CTNND2: variants seen among roughly 807,000 people sequenced by gnomAD.
CTNND2 encodes the protein catenin delta-2.
CTNND2 carries 22 observed loss-of-function variants against 144.4 expected under a neutral mutation model. The observed-to-expected ratio is 0.15, with a 90% CI of 0.11 to 0.22. The LOEUF (loss-of-function observed/expected upper bound fraction) is 0.22. CTNND2 is among the 10% of genes least tolerant of loss of function. The probability of loss-of-function intolerance (pLI) is 1.00; values close to 1 mark genes in which losing one functional copy is unlikely to be tolerated. For missense variants in CTNND2, 1,353 were observed against 1,618.8 expected (o/e 0.84, Z 2.82); for synonymous variants, 751 against 695.6 (o/e 1.08, Z -1.25).
At chr5:11,445,524 G>A (rs1010709781) in intron 3 of CTNND2, among the ~76,000 whole-genome samples, 1 of 152,178 alleles carries the variant, frequency 6.6e-6, no homozygotes, top group Non-Finnish European at 1.5e-5. Flanking sequence ...GCTCATGCCA[G>A]GTGCCTCCAG....
At chr5:11,499,809 C>A (rs1770364222) in intron 3 of CTNND2, among the ~76,000 whole-genome samples, 1 of 152,026 alleles carries the variant, frequency 6.6e-6, no homozygotes, top group Admixed American at 6.6e-5. Context: ...GGCTCTTTTA[C>A]TTAATAGTAC....
intron 21 of CTNND2, among the ~76,000 whole-genome samples, chr5:10,979,602 A>G (rs955809125): frequency 1.3e-5 from 2 of 152,260 alleles, no homozygotes; most frequent in Non-Finnish European, 2.9e-5. Flanking sequence ...TAGTTCCTGC[A>G]GAGCCAGAGA....
At chr5:11,575,783 C>T (rs1777930255) in intron 2 of CTNND2, among the ~76,000 whole-genome samples, 1 of 152,150 alleles carries the variant, frequency 6.6e-6, no homozygotes, top group Non-Finnish European at 1.5e-5. Context: ...TTCTTTCCCA[C>T]CTCTTTTGCT....
At chr5:11,870,686 T>C (rs1053648770) in intron 1 of CTNND2, among the ~76,000 whole-genome samples, 4 of 152,206 alleles carry the variant, frequency 2.6e-5, no homozygotes, top group African/African-American at 4.8e-5. Context: ...GTCCTTGCTG[T>C]TGCTACCATT....
chr5:11,180,980 G>A (rs1023354834), intron 11 of CTNND2, among the ~76,000 whole-genome samples: 35 of 152,186 alleles, frequency 2.3e-4, no homozygotes, highest in Non-Finnish European at 7.3e-5. Context: ...GAGGTTCTGG[G>A]GAAGAACCAA....
chr5:11,305,151 C>G (rs1038570352), intron 9 of CTNND2, among the ~76,000 whole-genome samples: 1 of 152,288 alleles, frequency 6.6e-6, no homozygotes, highest in South Asian at 2.1e-4. Context: ...TTGTTCTGAG[C>G]GCCTTTCAAA....
At chr5:11,411,316 G>T (rs1003692851) in intron 5 of CTNND2, among the ~76,000 whole-genome samples, 2 of 152,128 alleles carry the variant, frequency 1.3e-5, no homozygotes, top group Non-Finnish European at 1.5e-5. Context: ...GCGAAAACTA[G>T]ATGCCAACTA....
intron 11 of CTNND2, among the ~76,000 whole-genome samples, chr5:11,178,440 A>G (rs1760680102): frequency 6.6e-6 from 1 of 152,324 alleles, no homozygotes; most frequent in South Asian, 2.1e-4. Context: ...AACATCATGG[A>G]AACAATCATG....
chr5:11,652,981 T>C (rs1182802088), intron 2 of CTNND2, among the ~76,000 whole-genome samples: 1 of 152,160 alleles, frequency 6.6e-6, no homozygotes, highest in East Asian at 1.9e-4. Context: ...TTTCTTTCTG[T>C]GTCTAGCTTA....
intron 11 of CTNND2, among the ~76,000 whole-genome samples, chr5:11,190,034 A>G (rs1736083801): frequency 6.6e-6 from 1 of 152,208 alleles, no homozygotes; most frequent in African/African-American, 2.4e-5. Context: ...AAATGACAGG[A>G]GACAAGAATG....
intron 1 of CTNND2, among the ~76,000 whole-genome samples, chr5:11,805,010 A>T (rs1356799352): frequency 6.6e-6 from 1 of 152,220 alleles, no homozygotes; most frequent in Non-Finnish European, 1.5e-5. Flanking sequence ...AATCATTTTA[A>T]TCATTGTGAT....
intron 20 of CTNND2, among the ~76,000 whole-genome samples, chr5:10,984,588 C>T (rs1263151894): frequency 6.6e-6 from 1 of 152,078 alleles, no homozygotes; most frequent in South Asian, 2.1e-4. Flanking sequence ...TCCCCTCACT[C>T]GTTTAAACGA....
intron 2 of CTNND2, among the ~76,000 whole-genome samples, chr5:11,705,812 G>T (rs893554628): frequency 2.0e-5 from 3 of 152,112 alleles, no homozygotes; most frequent in Non-Finnish European, 4.4e-5. Flanking sequence ...GTGTGGATAG[G>T]ACCCATGACT....
At chr5:11,373,080 T>C (rs1757609063) in intron 7 of CTNND2, among the ~76,000 whole-genome samples, 2 of 152,246 alleles carry the variant, frequency 1.3e-5, no homozygotes, top group South Asian at 4.1e-4. Flanking sequence ...AAGCACAAGC[T>C]GTGCTGGCCA....
intron 8 of CTNND2, among the ~76,000 whole-genome samples, chr5:11,347,721 T>G (rs1389393135): frequency 6.6e-6 from 1 of 152,230 alleles, no homozygotes; most frequent in Non-Finnish European, 1.5e-5. Context: ...ATGGGTGCTC[T>G]ATGGGAATTA....
rs878960355 is a variant in CTNND2 at position 10,988,275 on chromosome 5, C to T, written c.3212-33G>A. ...AAGAAATCAAAAGGGGGATTTTCTG[C>T]ATCTCATCCCACAGCGTGTGTGCCT... On this transcript the variant is annotated intron_variant, in intron 19 of 21. Transcript: ENST00000304623. This position sits in a 1 kb window ranked among gnomAD's most constrained non-coding sequence, Gnocchi z 5.9. 1 of 1,612,826 alleles carries T rather than the reference C, an allele frequency of 6.2e-7. No homozygotes were observed. The highest frequency in any genetic ancestry group is 1.1e-5 in the South Asian group (1 of 90,852).
intron 12 of CTNND2, among the ~76,000 whole-genome samples, chr5:11,138,168 C>A (rs888265325): frequency 3.3e-5 from 5 of 152,194 alleles, no homozygotes; most frequent in Admixed American, 6.5e-5. Context: ...GTGTGGCCTC[C>A]TTTCTCCATC....
chr5:11,504,309 G>A (rs550356812), intron 3 of CTNND2, among the ~76,000 whole-genome samples: 9 of 152,298 alleles, frequency 5.9e-5, no homozygotes, highest in East Asian at 1.9e-4. Context: ...ATGACTCAGC[G>A]TAATGTTAGA....
intron 3 of CTNND2, among the ~76,000 whole-genome samples, chr5:11,467,517 T>C (rs1158092233): frequency 6.6e-6 from 1 of 152,234 alleles, no homozygotes; most frequent in African/African-American, 2.4e-5. Context: ...TCAATGAGTG[T>C]CAAGAATTTG....
Sources: gnomAD v4.1 joint callset for allele counts (sites outside exome capture counted in the v4.1 genomes callset) on GRCh38, gnomAD v4.1.1 for gene constraint, Gnocchi (gnomAD v3.1) non-coding constraint, MANE v1.5 for transcripts, NCBI Gene and HGNC (gene_info 2026-07-23, HGNC 2026-07-21) for gene names.